The following ABCC5 variants were observed in gnomAD, a reference collection of about 807,000 sequenced individuals.
The protein encoded by ABCC5 is ATP binding cassette subfamily C member 5.
Under a neutral mutation model 160.9 loss-of-function variants are expected in ABCC5, and 61 were observed. That is an observed-to-expected ratio of 0.38 (90% CI 0.31 to 0.47). The LOEUF is 0.47. Among genes scored for constraint, ABCC5 ranks in the 20% least tolerant of loss-of-function variants. The probability of loss-of-function intolerance (pLI) is 0.99; values close to 1 mark genes in which losing one functional copy is unlikely to be tolerated. For synonymous variants in ABCC5, 666 were observed against 700.6 expected, an observed-to-expected ratio of 0.95 and a Z score of 0.78; for missense variants, 1,308 against 1,813.3, an observed-to-expected ratio of 0.72 and a Z score of 5.06.
At chr3:183,970,977 T>C (rs1370050375) in intron 11 of ABCC5, among the ~76,000 whole-genome samples, 1 of 152,194 alleles carries the variant, frequency 6.6e-6, no homozygotes, top group African/African-American at 2.4e-5. Flanking sequence ...GACACGGACC[T>C]GTGAATATGG....
intron 17 of ABCC5, among the ~76,000 whole-genome samples, chr3:183,956,228 C>T (rs1278091932): frequency 6.8e-6 from 1 of 146,674 alleles, no homozygotes; most frequent in African/African-American, 2.5e-5. Flanking sequence ...GTGTAAATCA[C>T]ATCGGTTACA....
chr3:184,016,381 ACT>A (rs1722194780), intron 1 of ABCC5, among the ~76,000 whole-genome samples: 1 of 152,172 alleles, frequency 6.6e-6, no homozygotes, highest in Admixed American at 6.5e-5. Flanking sequence ...GCACAAAGTT[ACT>A]GTCTGTGGCC....
chr3:183,954,978 T>C (rs1577514032), intron 17 of ABCC5, among the ~76,000 whole-genome samples: 1 of 152,094 alleles, frequency 6.6e-6, no homozygotes, highest in Non-Finnish European at 1.5e-5. Flanking sequence ...TGATTGGCAA[T>C]TGGTTGAAAG....
Position 183,971,827 on chromosome 3 carries a change from C to T in ABCC5, c.1497G>A (p.Trp499Ter), listed in dbSNP as rs781410424. The T allele has an allele frequency of 1.2e-6, 2 of 1,614,076 alleles. No individual in the cohort carries two copies. The highest frequency in any genetic ancestry group is 1.7e-6 in the Non-Finnish European group (2 of 1,180,016). ...KIEMKNATLA[W>*]DSSHSSIQNS... is the part of the protein sequence containing the mutation. ...TCTGGATACTGGAGTGGGAGGAGTC[C>T]CATGCCAAGGTGGCATTTTTCATCT... is the stretch of plus-strand genomic sequence containing the variant. The change falls in exon 11 of 30, where the codon TGG becomes TGA. Residue 499 changes from tryptophan (W) to a stop codon, truncating the protein, a stop_gained. Coordinates refer to ENST00000334444, the MANE Select transcript of ABCC5 (RefSeq NM_005688.4). LOFTEE classifies it high-confidence loss of function.
At chr3:183,975,411 G>A (rs1024441841) in intron 10 of ABCC5, among the ~76,000 whole-genome samples, 34 of 151,850 alleles carry the variant, frequency 2.2e-4, no homozygotes, top group African/African-American at 8.0e-4. Context: ...GCGCGATCTC[G>A]ACTCATGGCA....
At chr3:183,954,097 G>A (rs1464543489) in intron 17 of ABCC5, among the ~76,000 whole-genome samples, 1 of 152,132 alleles carries the variant, frequency 6.6e-6, no homozygotes, top group Non-Finnish European at 1.5e-5. Flanking sequence ...ATTTGAAAAT[G>A]GAAGGTTACT....
At chr3:183,937,823 G>T in intron 26 of ABCC5, 78 bp downstream of exon 26, 1 of 1,509,164 alleles carries the variant, frequency 6.6e-7, no homozygotes, top group Non-Finnish European at 9.1e-7. Flanking sequence ...CCAGGGGGCG[G>T]TGCTAGCATC....
intron 18 of ABCC5, 143 bp from the exon 19 acceptor site, chr3:183,952,146 T>A: frequency 1.9e-4 from 16 of 84,678 alleles, no homozygotes; most frequent in Non-Finnish European, 3.2e-4. Flanking sequence ...GTCCACCTCT[T>A]TTTTTTTTTT....
chr3:183,998,967 A>G (rs1294163100), intron 2 of ABCC5, among the ~76,000 whole-genome samples: 1 of 151,906 alleles, frequency 6.6e-6, no homozygotes, highest in Non-Finnish European at 1.5e-5. Context: ...GCACATGCCT[A>G]TAGTCCCAGC....
Position 183,921,125 on chromosome 3 carries a change from A to G in ABCC5, c.*175T>C. Reference sequence around the variant, plus strand: ...GTTTACATGAATATGGAATAAATACAATAATCAAAATATGACTCTCCCTAA... The same window carrying G: ...GTTTACATGAATATGGAATAAATACGATAATCAAAATATGACTCTCCCTAA... On this transcript the variant is annotated 3_prime_UTR_variant, in exon 30 of 30. Transcript: ENST00000334444. The surrounding 1 kb of genome is among the most constrained non-coding windows in gnomAD (Gnocchi z 4.1). The G allele has an allele frequency of 2.0e-6, 1 of 490,914 alleles. No homozygotes were observed. Among genetic ancestry groups the G allele is most frequent in the Non-Finnish European group, 3.7e-6 (1 of 270,578 alleles). The allele number at this position is 490,914 out of a possible 1,614,324, so 30.4% of individuals were successfully genotyped here.
At position 183,950,003 on chromosome 3, in the gene ABCC5, T is replaced by C. The variant is rs1407221885; in HGVS notation, c.3067A>G (p.Ile1023Val). The C allele has an allele frequency of 6.2e-7, 1 of 1,614,020 alleles. No homozygotes were observed. The highest frequency in any genetic ancestry group is 2.2e-5 in the East Asian group (1 of 44,882). Residue 1023 changes from isoleucine to valine, a missense_variant, in exon 21 of 30, where the codon ATC becomes GTC. Transcript: ENST00000334444. ...ACAATGTGCAGGACTGAAAAGAGGA[T>C]GACAAGGGGCCCCACTGCCACAAGG... ...WFLVAVGPLV[I>V]LFSVLHIVSR... is the part of the protein sequence containing the mutation.
In ABCC5 at chr3:183,955,714, C is replaced by G. The variant is rs188470299; in HGVS notation, c.2483-2444G>C. 8.4e-4 allele frequency among the ~76,000 whole-genome samples: 121 copies of G among 143,798 alleles called. 4 individuals carry two copies. Among genetic ancestry groups the G allele is most frequent in the African/African-American group, 2.9e-3 (115 of 39,304 alleles). The allele number at this position is 143,798 out of a possible 152,430, so 94.3% of individuals were successfully genotyped here. ...GTTACATGCAGATCCGTGTGTAAAT[C>G]ACATCAGTTACATGCAGATCCATGT... On this transcript the variant is annotated intron_variant, in intron 17 of 29. Transcript: ENST00000334444.
chr3:184,003,769 A>G (rs1417237201), intron 2 of ABCC5, among the ~76,000 whole-genome samples: 1 of 152,232 alleles, frequency 6.6e-6, no homozygotes, highest in East Asian at 1.9e-4. Flanking sequence ...GAGGGCTTTC[A>G]GTTGTTTCAT....
chr3:183,925,308 A>G (rs766901010), intron 29 of ABCC5, among the ~76,000 whole-genome samples: 12 of 152,236 alleles, frequency 7.9e-5, no homozygotes, highest in Non-Finnish European at 1.5e-4. Flanking sequence ...TCTCTGACTT[A>G]AGTCAGTGTC....
chr3:183,961,936 T>C (rs1243718778), intron 15 of ABCC5, among the ~76,000 whole-genome samples: 2 of 152,172 alleles, frequency 1.3e-5, no homozygotes, highest in East Asian at 3.8e-4. Context: ...TGCAGCACCA[T>C]GTCTGGCTAA....
chr3:183,939,834 A>G (rs918143375), intron 25 of ABCC5, among the ~76,000 whole-genome samples: 7 of 152,300 alleles, frequency 4.6e-5, no homozygotes, highest in Admixed American at 2.6e-4. Context: ...CCTTGGCTGT[A>G]CGCCTGGTTC....
chr3:184,017,461 C>G lies in ABCC5; in HGVS notation c.-56+369G>C, dbSNP rs1722283575. The G allele has an allele frequency of 6.6e-6, 1 of 152,192 alleles. No homozygotes were observed. Among genetic ancestry groups the G allele is most frequent in the South Asian group, 2.1e-4 (1 of 4,834 alleles). The allele number at this position is 152,192 out of a possible 1,614,324, so 9.4% of individuals were successfully genotyped here. ...TCAGACCCGCTTCGCCTGGGATGCCCGGGCCCTAGGGCGTTCCCACAGCCC... is the reference window on the plus strand; with the variant it reads ...TCAGACCCGCTTCGCCTGGGATGCCGGGGCCCTAGGGCGTTCCCACAGCCC... On this transcript the variant is annotated intron_variant, in intron 1 of 29. Transcript: ENST00000334444. The surrounding 1 kb of genome is among the most constrained non-coding windows in gnomAD (Gnocchi z 4.5).
intron 17 of ABCC5, 98 bp downstream of exon 17, chr3:183,959,635 T>C: frequency 1.1e-6 from 1 of 926,222 alleles, no homozygotes; most frequent in South Asian, 1.6e-5. Flanking sequence ...ATTTATATTG[T>C]ACACACACTG....
At chr3:183,940,541 T>C (rs1399990362) in intron 25 of ABCC5, among the ~76,000 whole-genome samples, 3 of 147,216 alleles carry the variant, frequency 2.0e-5, no homozygotes, top group Non-Finnish European at 3.0e-5. Flanking sequence ...CTTTCCCAGA[T>C]AGGAGGGGAG....
Sources: gnomAD v4.1 joint callset for allele counts (sites outside exome capture counted in the v4.1 genomes callset) on GRCh38, gnomAD v4.1.1 for gene constraint, Gnocchi (gnomAD v3.1) non-coding constraint, MANE v1.5 for transcripts, NCBI Gene and HGNC (gene_info 2026-07-23, HGNC 2026-07-21) for gene names.